OR1I1: variants seen among roughly 807,000 people sequenced by gnomAD.
OR1I1 encodes the protein olfactory receptor 1I1.
For synonymous variants in OR1I1, 171 were observed against 181.4 expected (o/e 0.94, Z 0.46); for missense variants, 451 against 443.6 (o/e 1.02, Z -0.15).
intron 1 of OR1I1, among the ~76,000 whole-genome samples, chr19:15,082,737 A>G (rs768392368): frequency 8.9e-6 from 1 of 112,972 alleles, no homozygotes; most frequent in Non-Finnish European, 1.7e-5. Flanking sequence ...TTTCAGGGAA[A>G]GGGCTTAGCT....
chr19:15,086,994 A>G, intron 1 of OR1I1, 59 bp from the exon 2 acceptor site: 1 of 1,525,198 alleles, frequency 6.6e-7, no homozygotes, highest in South Asian at 1.3e-5. Context: ...AGCTGGGACC[A>G]GAATGGCATC....
rs2046260172 is a variant in OR1I1 at position 15,092,140 on chromosome 19, G to T, written c.*4007G>T. The T allele has an allele frequency of 3.2e-5, 3 of 93,964 alleles. No homozygotes were observed. Among genetic ancestry groups the T allele is most frequent in the African/African-American group, 5.1e-5 (1 of 19,746 alleles). The allele number at this position is 93,964 out of a possible 1,614,324, so 5.8% of individuals were successfully genotyped here. On this transcript the variant is annotated 3_prime_UTR_variant, in exon 2 of 2. Transcript: ENST00000641398. ...TTTGGTTGTTTTTTTTTTTTCCCCG[G>T]AAACTTGTATTCTAGCTGTGAACTG... is the stretch of plus-strand genomic sequence containing the variant.
Position 15,088,157 on chromosome 19 carries a change from A to C in OR1I1, c.*24A>C. Reference sequence around the variant, plus strand: ...AAATCCTTCCAGTACAACGTGATAAATGTGTCATAAAGAGATGAACAAAGT... The same window carrying C: ...AAATCCTTCCAGTACAACGTGATAACTGTGTCATAAAGAGATGAACAAAGT... On this transcript the variant is annotated 3_prime_UTR_variant, in exon 2 of 2. Coordinates refer to ENST00000641398, the MANE Select transcript of OR1I1 (RefSeq NM_001004713.2). The C allele has an allele frequency of 1.3e-6, 2 of 1,527,646 alleles. No homozygotes were observed. The highest frequency in any genetic ancestry group is 1.8e-6 in the Non-Finnish European group (2 of 1,133,546). 94.6% of individuals were successfully genotyped at this position (1,527,646 alleles called of 1,614,324 possible). A position where few individuals can be genotyped will look rare whatever the true frequency, so the allele number is the denominator to read the frequency against.
At position 15,087,695 on chromosome 19, in the gene OR1I1, A is replaced by C; in HGVS notation, c.630A>C (p.Pro210=). The C allele has an allele frequency of 6.2e-7, 1 of 1,613,934 alleles. No homozygotes were observed. Residue 210 remains proline (P), a synonymous_variant, in exon 2 of 2, where the codon CCA becomes CCC. Transcript: ENST00000641398. ...FAFGIVVGTS[P]FSCILLSYIR... ...TTGGCATTGTCGTGGGCACCAGCCC[A>C]TTCTCCTGCATCCTTCTCTCGTACA... is the stretch of plus-strand genomic sequence containing the variant.
intron 1 of OR1I1, among the ~76,000 whole-genome samples, chr19:15,085,176 A>ATATATTT (rs1555717400): frequency 8.7e-5 from 7 of 80,122 alleles, no homozygotes; most frequent in Admixed American, 1.8e-4. Flanking sequence ...ATATATATAT[A>ATATATTT]TTTTTTTTTT....
At position 15,087,630 on chromosome 19, in the gene OR1I1, G is replaced by T. The variant is rs73008811; in HGVS notation, c.565G>T (p.Gly189Cys). The change falls in exon 2 of 2, where the codon GGC (glycine) becomes TGC (cysteine). Residue 189 changes from glycine (G) to cysteine (C), a missense_variant. Transcript: ENST00000641398. ...CCTCATGCCCCTGCTGAAGCTCTCC[G>T]GCTCAGACACGCACACCAACGAGCT... ...CDLMPLLKLS[G>C]SDTHTNELVI... 0.18 allele frequency: 289,789 copies of T among 1,613,940 alleles called. 28,103 individuals carry two copies. The highest frequency in any genetic ancestry group is 0.29 in the South Asian group (26,191 of 91,078).
rs1352118420 is a variant in OR1I1, at chr19:15,084,191, G to GC, written c.-14+1919dup. On this transcript the variant is annotated intron_variant, in intron 1 of 1. Coordinates refer to ENST00000641398, the MANE Select transcript of OR1I1 (RefSeq NM_001004713.2). ...CTGAGTGCCCCTGGCAGCTCGCTCA[G>GC]CCCCAGTCTGCTCACTGTAAATTGT... Among the ~76,000 whole-genome samples, 4 of 152,304 alleles carry GC rather than the reference G, an allele frequency of 2.6e-5. No individual in the cohort carries two copies. In the East Asian group the frequency reaches 7.7e-4, roughly 29 times the overall value.
At chr19:15,085,177 T>TC (rs1491455089) in intron 1 of OR1I1, among the ~76,000 whole-genome samples, 1 of 45,852 alleles carries the variant, frequency 2.2e-5, no homozygotes, top group Non-Finnish European at 4.7e-5. Flanking sequence ...TATATATATA[T>TC]TTTTTTTTTT....
intron 1 of OR1I1, among the ~76,000 whole-genome samples, chr19:15,085,143 TA>T (rs1182951757): frequency 5.7e-4 from 14 of 24,496 alleles, no homozygotes; most frequent in African/African-American, 3.7e-3. Flanking sequence ...TATATATATA[TA>T]TATATATATA....
At chr19:15,085,171 TA>T (rs1227296277) in intron 1 of OR1I1, among the ~76,000 whole-genome samples, 1,361 of 29,546 alleles carry the variant, frequency 0.046, 141 homozygotes, top group Admixed American at 0.065. Flanking sequence ...TATATATATA[TA>T]TATATTTTTT....
rs1210506441 is a variant in OR1I1, at chr19:15,089,855, A to G, written c.*1722A>G. On this transcript the variant is annotated 3_prime_UTR_variant, in exon 2 of 2. Transcript: ENST00000641398. ...TGTCTGCAAAAGTAATAATAATAAA[A>G]TAAAAAAGATATGTTGAAGTCCTAA... is the stretch of plus-strand genomic sequence containing the variant. 1 of 152,142 alleles carries G rather than the reference A, an allele frequency of 6.6e-6. No homozygotes were observed. Among genetic ancestry groups the G allele is most frequent in the African/African-American group, 2.4e-5 (1 of 41,428 alleles). 9.4% of individuals were successfully genotyped at this position (152,142 alleles called of 1,614,324 possible). A position where few individuals can be genotyped will look rare whatever the true frequency, so the allele number is the denominator to read the frequency against.
chr19:15,085,168 A>T (rs1396914819), intron 1 of OR1I1, among the ~76,000 whole-genome samples: 4,358 of 18,552 alleles, frequency 0.23, 527 homozygotes, highest in African/African-American at 0.48. Context: ...ATATATATAT[A>T]TATATATATT....
intron 1 of OR1I1, among the ~76,000 whole-genome samples, chr19:15,085,823 G>A (rs925109100): frequency 3.3e-5 from 5 of 152,068 alleles, no homozygotes; most frequent in African/African-American, 1.2e-4. Flanking sequence ...GTAACAGAAT[G>A]TCCTTCAGTT....
rs1218832853 is a variant in OR1I1 at position 15,088,152 on chromosome 19, G to T, written c.*19G>T. On this transcript the variant is annotated 3_prime_UTR_variant, in exon 2 of 2. Transcript: ENST00000641398. ...GGAATAAATCCTTCCAGTACAACGT[G>T]ATAAATGTGTCATAAAGAGATGAAC... is the stretch of plus-strand genomic sequence containing the variant. The T allele has an allele frequency of 1.3e-6, 2 of 1,530,486 alleles. No individual in the cohort carries two copies. Among genetic ancestry groups the T allele is most frequent in the Middle Eastern group, 3.4e-4 (2 of 5,802 alleles). The allele number at this position is 1,530,486 out of a possible 1,614,324, so 94.8% of individuals were successfully genotyped here.
In OR1I1 at chr19:15,085,168, A is replaced by ATTTT. The variant is rs1568321900; in HGVS notation, c.-13-1884_-13-1883insTTTT. ...TATATATATATATATATATATATAT[A>ATTTT]TATATATATTTTTTTTTTTGAGACA... On this transcript the variant is annotated intron_variant, in intron 1 of 1. Transcript: ENST00000641398. Among the ~76,000 whole-genome samples the ATTTT allele has an allele frequency of 9.0e-4, 17 of 18,828 alleles. 1 individual carries two copies. The highest frequency in any genetic ancestry group is 2.2e-3 in the African/African-American group (17 of 7,898). The allele number at this position is 18,828 out of a possible 152,430, so 12.4% of individuals were successfully genotyped here. A position where few individuals can be genotyped will look rare whatever the true frequency, so the allele number is the denominator to read the frequency against.
chr19:15,085,475 C>T (rs1259499223), intron 1 of OR1I1, among the ~76,000 whole-genome samples: 1 of 151,532 alleles, frequency 6.6e-6, no homozygotes, highest in Non-Finnish European at 1.5e-5. Flanking sequence ...CCAGGTCTGA[C>T]TTATGACATT....
intron 1 of OR1I1, among the ~76,000 whole-genome samples, chr19:15,085,098 G>T (rs1287429082): frequency 7.3e-6 from 1 of 137,252 alleles, no homozygotes; most frequent in Non-Finnish European, 1.5e-5. Flanking sequence ...TGTGATGTTT[G>T]GTAGGTTAGG....
chr19:15,086,850 G>C, intron 1 of OR1I1: 3 of 702,880 alleles, frequency 4.3e-6, no homozygotes, highest in Non-Finnish European at 6.7e-6. Context: ...TTGAGACCCT[G>C]ACTGTCTCAG....
In OR1I1 at chr19:15,088,181, G is replaced by A. The variant is rs2046239882; in HGVS notation, c.*48G>A. On this transcript the variant is annotated 3_prime_UTR_variant, in exon 2 of 2. Coordinates refer to ENST00000641398, the MANE Select transcript of OR1I1 (RefSeq NM_001004713.2). Reference sequence around the variant, plus strand: ...AATGTGTCATAAAGAGATGAACAAAGTGTATGAGCACCCAAAGGAAAGGTG... The same window carrying A: ...AATGTGTCATAAAGAGATGAACAAAATGTATGAGCACCCAAAGGAAAGGTG... 6.7e-7 allele frequency: 1 copy of A among 1,492,384 alleles called. No homozygotes were observed. The highest frequency in any genetic ancestry group is 9.0e-7 in the Non-Finnish European group (1 of 1,116,726). 92.4% of individuals were successfully genotyped at this position (1,492,384 alleles called of 1,614,324 possible).
Sources: allele counts gnomAD v4.1 joint callset (sites outside exome capture counted in the v4.1 genomes callset), GRCh38; gene constraint gnomAD v4.1.1; transcripts MANE v1.5; gene names NCBI Gene and HGNC (gene_info 2026-07-23, HGNC 2026-07-21).